THSD7B: variants seen among roughly 807,000 people sequenced by gnomAD.
THSD7B encodes thrombospondin type-1 domain-containing protein 7B.
Under a neutral mutation model 213.6 loss-of-function variants are expected in THSD7B, and 138 were observed. The observed-to-expected ratio is 0.65, with a 90% CI of 0.56 to 0.74. The LOEUF is 0.74. Among genes scored for constraint, THSD7B ranks in the 30% least tolerant of loss-of-function variants. The pLI, the probability that THSD7B is intolerant of heterozygous loss-of-function variation, is 0.00. For synonymous variants in THSD7B, 742 were observed against 687.0 expected, an observed-to-expected ratio of 1.08 and a Z score of -1.25; for missense variants, 1,931 against 1,991.5, an observed-to-expected ratio of 0.97 and a Z score of 0.58.
At chr2:137,049,967 AG>A (rs1322599653) in intron 2 of THSD7B, among the ~76,000 whole-genome samples, 7 of 152,284 alleles carry the variant, frequency 4.6e-5, no homozygotes, top group African/African-American at 1.7e-4. Context: ...CGTGATATAG[AG>A]TTACAAATCA....
chr2:137,198,538 A>T (rs1022312810), intron 7 of THSD7B, among the ~76,000 whole-genome samples: 1 of 152,176 alleles, frequency 6.6e-6, no homozygotes, highest in African/African-American at 2.4e-5. Context: ...CCTTCTGAGG[A>T]AAAGAGACTA....
At chr2:137,259,879 T>C (rs2105081392) in intron 10 of THSD7B, among the ~76,000 whole-genome samples, 1 of 152,210 alleles carries the variant, frequency 6.6e-6, no homozygotes, top group Non-Finnish European at 1.5e-5. Flanking sequence ...AGAGCACCTA[T>C]AAATAGTTCT....
At chr2:136,943,839 G>T (rs1218890774) in intron 2 of THSD7B, among the ~76,000 whole-genome samples, 1 of 152,052 alleles carries the variant, frequency 6.6e-6, no homozygotes, top group East Asian at 1.9e-4. Flanking sequence ...CCAGCTCCTC[G>T]ATTCATTGAT....
At chr2:137,165,028 T>TA (rs528095376) in intron 6 of THSD7B, among the ~76,000 whole-genome samples, 119 of 150,428 alleles carry the variant, frequency 7.9e-4, no homozygotes, top group Middle Eastern at 3.4e-3. Context: ...TAAAGTATAA[T>TA]AAAAAAAAAG....
chr2:136,975,878 G>A (rs1685472306), intron 2 of THSD7B, among the ~76,000 whole-genome samples: 1 of 152,114 alleles, frequency 6.6e-6, no homozygotes, highest in Non-Finnish European at 1.5e-5. Context: ...ATGGCTTCTA[G>A]TTCTCCTTGA....
intron 1 of THSD7B, among the ~76,000 whole-genome samples, chr2:136,819,285 T>C (rs1682533017): frequency 6.6e-6 from 1 of 152,214 alleles, no homozygotes; most frequent in African/African-American, 2.4e-5. Context: ...CATCTGTTGT[T>C]TTTTCCTGCT....
At chr2:137,407,758 T>C (rs1195618560) in intron 13 of THSD7B, among the ~76,000 whole-genome samples, 2 of 152,100 alleles carry the variant, frequency 1.3e-5, no homozygotes, top group Non-Finnish European at 2.9e-5. Flanking sequence ...TTTAACTTTC[T>C]TTTGTCCATT....
intron 3 of THSD7B, among the ~76,000 whole-genome samples, chr2:137,083,270 G>A (rs1687780835): frequency 6.6e-6 from 1 of 151,994 alleles, no homozygotes; most frequent in African/African-American, 2.4e-5. Context: ...GCTTAATCTG[G>A]CTAAGAAAGG....
intron 2 of THSD7B, among the ~76,000 whole-genome samples, chr2:136,892,472 A>G (rs1451843300): frequency 6.6e-6 from 1 of 151,714 alleles, no homozygotes; most frequent in Non-Finnish European, 1.5e-5. Context: ...CGTCTCCTCA[A>G]ATAGGAACAT....
chr2:137,105,794 A>T (rs1343285875), intron 4 of THSD7B, among the ~76,000 whole-genome samples: 1 of 152,222 alleles, frequency 6.6e-6, no homozygotes, highest in African/African-American at 2.4e-5. Flanking sequence ...TCCCATTCAC[A>T]GTTGCTACAA....
intron 27 of THSD7B, among the ~76,000 whole-genome samples, chr2:137,673,145 G>T (rs1303096663): frequency 6.6e-6 from 1 of 152,218 alleles, no homozygotes; most frequent in Non-Finnish European, 1.5e-5. Flanking sequence ...CCTGGCTTGA[G>T]AATGAGTCCT....
At chr2:137,571,307 CTATAATATATTTA>C (rs1340265721) in intron 16 of THSD7B, among the ~76,000 whole-genome samples, 1 of 152,124 alleles carries the variant, frequency 6.6e-6, no homozygotes, top group African/African-American at 2.4e-5. Flanking sequence ...ATGGCATTTA[CTATAATATATTTA>C]TAGGTTATAC....
intron 12 of THSD7B, among the ~76,000 whole-genome samples, chr2:137,364,105 A>G (rs184695706): frequency 2.6e-5 from 4 of 152,194 alleles, no homozygotes; most frequent in Non-Finnish European, 5.9e-5. Flanking sequence ...ATCAATAAAC[A>G]TAATCCAGCA....
chr2:137,145,228 A>G (rs939805285), intron 5 of THSD7B, among the ~76,000 whole-genome samples: 1 of 152,086 alleles, frequency 6.6e-6, no homozygotes, highest in Non-Finnish European at 1.5e-5. Context: ...AGATGAAAGG[A>G]GTATCATATA....
intron 5 of THSD7B, among the ~76,000 whole-genome samples, chr2:137,144,917 G>T (rs1338736532): frequency 1.3e-5 from 2 of 151,978 alleles, no homozygotes; most frequent in Non-Finnish European, 2.9e-5. Flanking sequence ...TTTTTACACT[G>T]TTGATCTTGA....
chr2:137,620,586 TTG>T (rs1346640169), intron 19 of THSD7B, 21 bp from the exon 20 acceptor site: 3 of 1,564,958 alleles, frequency 1.9e-6, no homozygotes, highest in Non-Finnish European at 2.6e-6. Flanking sequence ...TCCAATAAAG[TTG>T]TGTTTCATTT....
At chr2:136,770,247 C>A (rs1681480785) in intron 1 of THSD7B, among the ~76,000 whole-genome samples, 1 of 152,094 alleles carries the variant, frequency 6.6e-6, no homozygotes, top group Non-Finnish European at 1.5e-5. Flanking sequence ...AAAAAGCATA[C>A]CATGTAGTAT....
intron 15 of THSD7B, among the ~76,000 whole-genome samples, chr2:137,529,038 C>T (rs894489909): frequency 8.6e-5 from 13 of 152,008 alleles, no homozygotes; most frequent in Non-Finnish European, 1.5e-4. Context: ...TTCTCTTTAC[C>T]TTTTGGCAAA....
intron 2 of THSD7B, among the ~76,000 whole-genome samples, chr2:136,993,464 G>A (rs1318728268): frequency 2.0e-5 from 3 of 152,166 alleles, no homozygotes; most frequent in African/African-American, 4.8e-5. Context: ...GTGACATTTA[G>A]CCTTGTAGTC....
Sources: allele counts gnomAD v4.1 joint callset (sites outside exome capture counted in the v4.1 genomes callset), GRCh38; gene constraint gnomAD v4.1.1; transcripts MANE v1.5; gene names NCBI Gene and HGNC (gene_info 2026-07-23, HGNC 2026-07-21).